Variants in DPP10 observed in about 807,000 individuals in gnomAD.
DPP10 encodes dipeptidyl peptidase like 10.
Under a neutral mutation model 120.9 loss-of-function variants are expected in DPP10, and 33 were observed. The observed-to-expected ratio is 0.27, with a 90% CI of 0.21 to 0.37. DPP10 has a LOEUF of 0.37. Among genes scored for constraint, DPP10 ranks in the 10% least tolerant of loss-of-function variants. The pLI is 1.00. For synonymous variants in DPP10, 337 were observed against 326.1 expected, an observed-to-expected ratio of 1.03 and a Z score of -0.36; for missense variants, 816 against 942.8, an observed-to-expected ratio of 0.87 and a Z score of 1.76.
intron 1 of DPP10, among the ~76,000 whole-genome samples, chr2:114,752,496 C>A (rs771021910): frequency 3.9e-5 from 6 of 152,156 alleles, no homozygotes; most frequent in Non-Finnish European, 8.8e-5. Context: ...ATTACTTGTG[C>A]CTGGTCTCAG....
intron 7 of DPP10, among the ~76,000 whole-genome samples, chr2:115,712,478 A>G (rs1423201194): frequency 1.4e-5 from 2 of 143,438 alleles, no homozygotes; most frequent in Non-Finnish European, 3.0e-5. Context: ...AGAAAATACA[A>G]TATAGTATCC....
chr2:115,517,556 T>C (rs2077569275), intron 4 of DPP10, among the ~76,000 whole-genome samples: 2 of 152,196 alleles, frequency 1.3e-5, no homozygotes, highest in Admixed American at 1.3e-4. Context: ...GTCCAGTTAT[T>C]TTATAACTAC....
intron 5 of DPP10, among the ~76,000 whole-genome samples, chr2:115,603,337 C>T (rs1204283880): frequency 2.3e-5 from 3 of 129,250 alleles, no homozygotes; most frequent in African/African-American, 8.6e-5. Flanking sequence ...CCCCCCGCCC[C>T]GCCACCCCCC....
intron 1 of DPP10, among the ~76,000 whole-genome samples, chr2:114,624,481 T>A (rs1055261051): frequency 2.6e-5 from 4 of 151,966 alleles, no homozygotes; most frequent in African/African-American, 9.7e-5. Context: ...AGTAGCATCA[T>A]ATGAAATTAG....
chr2:114,506,177 A>T (rs1440468361), intron 1 of DPP10, among the ~76,000 whole-genome samples: 1 of 151,958 alleles, frequency 6.6e-6, no homozygotes, highest in Non-Finnish European at 1.5e-5. Flanking sequence ...GGCCTGTCCC[A>T]CTCCCAATCC....
At chr2:114,486,140 C>T (rs1349947718) in intron 1 of DPP10, among the ~76,000 whole-genome samples, 4 of 152,064 alleles carry the variant, frequency 2.6e-5, no homozygotes, top group Admixed American at 1.3e-4. Flanking sequence ...GGAAATTCAA[C>T]GCTGTAGTAC....
chr2:115,052,884 G>A lies in DPP10; in HGVS notation c.61-256355G>A, dbSNP rs148811728. Among the ~76,000 whole-genome samples, 1,187 of 151,640 alleles carry A rather than the reference G, an allele frequency of 7.8e-3. 13 individuals are homozygous for A. Among genetic ancestry groups the A allele is most frequent in the African/African-American group, 0.027 (1,130 of 41,334 alleles). Reference sequence around the variant, plus strand: ...GGAGAATCACTTGAACCTGGGAGGCGGAGGTTGCAGTGGGCTGAGATCTTG... The same window carrying A: ...GGAGAATCACTTGAACCTGGGAGGCAGAGGTTGCAGTGGGCTGAGATCTTG... On this transcript the variant is annotated intron_variant, in intron 1 of 25. Coordinates refer to ENST00000410059, the MANE Select transcript of DPP10 (RefSeq NM_020868.6).
At chr2:115,288,547 A>G (rs893593273) in intron 1 of DPP10, among the ~76,000 whole-genome samples, 1 of 151,870 alleles carries the variant, frequency 6.6e-6, no homozygotes, top group African/African-American at 2.4e-5. Context: ...GTGAAACGCT[A>G]TCTCTATTTA....
intron 2 of DPP10, among the ~76,000 whole-genome samples, chr2:115,323,826 A>G (rs1048037574): frequency 1.3e-5 from 2 of 152,158 alleles, no homozygotes; most frequent in Non-Finnish European, 2.9e-5. Context: ...GATTTAAAAT[A>G]TTTAGTAAAC....
chr2:115,480,405 CCCT>C, intron 3 of DPP10, among the ~76,000 whole-genome samples: 1 of 152,048 alleles, frequency 6.6e-6, no homozygotes, highest in East Asian at 1.9e-4. Flanking sequence ...GTGCCTTTTC[CCCT>C]CCTCGTTCCT....
At chr2:114,571,223 C>T (rs1233128766) in intron 1 of DPP10, among the ~76,000 whole-genome samples, 1 of 152,036 alleles carries the variant, frequency 6.6e-6, no homozygotes, top group Non-Finnish European at 1.5e-5. Context: ...GGGTTAGCAC[C>T]ATCCTCCTAG....
At chr2:115,837,438 A>T (rs578179659) in intron 24 of DPP10, among the ~76,000 whole-genome samples, 3 of 152,218 alleles carry the variant, frequency 2.0e-5, no homozygotes, top group African/African-American at 7.2e-5. Context: ...AGAAAAATCA[A>T]TTTCAAAAAG....
chr2:114,975,311 T>C (rs1699682171), intron 1 of DPP10, among the ~76,000 whole-genome samples: 2 of 152,190 alleles, frequency 1.3e-5, no homozygotes, highest in African/African-American at 4.8e-5. Context: ...CCCAAAGTGC[T>C]GGGATTACAG....
chr2:115,202,912 C>G (rs12469863), intron 1 of DPP10, among the ~76,000 whole-genome samples: 1 of 152,078 alleles, frequency 6.6e-6, no homozygotes, highest in Non-Finnish European at 1.5e-5. Context: ...GTTTGACTGC[C>G]TAATGGGCAA....
At chr2:115,390,375 G>C (rs972238901) in intron 3 of DPP10, among the ~76,000 whole-genome samples, 2 of 152,100 alleles carry the variant, frequency 1.3e-5, no homozygotes, top group Non-Finnish European at 2.9e-5. Context: ...TGCCAAACGA[G>C]AGATGGCATT....
chr2:115,561,425 T>A (rs1465938526), intron 5 of DPP10, among the ~76,000 whole-genome samples: 2 of 147,546 alleles, frequency 1.4e-5, no homozygotes, highest in African/African-American at 2.5e-5. Flanking sequence ...TGCGGTGTTA[T>A]CACGTCCAAA....
chr2:114,607,227 C>T (rs747574858), intron 1 of DPP10, among the ~76,000 whole-genome samples: 44 of 152,226 alleles, frequency 2.9e-4, no homozygotes, highest in Non-Finnish European at 5.6e-4. Context: ...ACACAGTTCT[C>T]CATGCTGGAA....
chr2:115,430,873 G>A (rs931739180), intron 3 of DPP10, among the ~76,000 whole-genome samples: 2 of 152,122 alleles, frequency 1.3e-5, no homozygotes, highest in African/African-American at 4.8e-5. Context: ...GGACTTAAAT[G>A]GGAACACTTC....
At chr2:115,108,546 CA>C (rs1161942345) in intron 1 of DPP10, among the ~76,000 whole-genome samples, 1 of 152,072 alleles carries the variant, frequency 6.6e-6, no homozygotes. Context: ...ACAAATCATA[CA>C]AAACAAATCT....
Sources: gnomAD v4.1 joint callset for allele counts (sites outside exome capture counted in the v4.1 genomes callset) on GRCh38, gnomAD v4.1.1 for gene constraint, MANE v1.5 for transcripts, NCBI Gene and HGNC (gene_info 2026-07-23, HGNC 2026-07-21) for gene names.